GRID1: variants seen among roughly 807,000 people sequenced by gnomAD.
GRID1 encodes the protein glutamate receptor ionotropic, delta-1.
Under a neutral mutation model 98.0 loss-of-function variants are expected in GRID1, and 28 were observed. The ratio of observed to expected loss-of-function variants is 0.29; its 90% CI spans 0.21 to 0.39. GRID1 has a LOEUF of 0.39. Ranked by LOEUF, GRID1 falls within the 10% of genes least tolerant of loss-of-function variation. GRID1 has a pLI of 1.00. For missense variants in GRID1, 1,111 were observed against 1,340.5 expected, an observed-to-expected ratio of 0.83 and a Z score of 2.67; for synonymous variants, 553 against 538.5, an observed-to-expected ratio of 1.03 and a Z score of -0.37.
chr10:86,081,632 A>G (rs1300336067), intron 4 of GRID1, among the ~76,000 whole-genome samples: 1 of 152,254 alleles, frequency 6.6e-6, no homozygotes, highest in Non-Finnish European at 1.5e-5. Context: ...GTCCTTCAGT[A>G]AGTGAATGAA....
intron 8 of GRID1, among the ~76,000 whole-genome samples, chr10:85,804,126 C>A (rs927573745): frequency 4.0e-5 from 6 of 149,422 alleles, no homozygotes; most frequent in Admixed American, 1.3e-4. Context: ...ATTGATAAAA[C>A]CCTATTTAGA....
chr10:85,919,989 G>C (rs1208021001), intron 4 of GRID1, among the ~76,000 whole-genome samples: 1 of 152,026 alleles, frequency 6.6e-6, no homozygotes, highest in Non-Finnish European at 1.5e-5. Context: ...TGGCACTCAC[G>C]GTGCCTTGGA....
chr10:85,710,932 G>T (rs1192111237), intron 12 of GRID1, among the ~76,000 whole-genome samples: 2 of 151,872 alleles, frequency 1.3e-5, no homozygotes, highest in African/African-American at 2.4e-5. Context: ...CATTGAAATG[G>T]CTATTTAAAA....
At chr10:85,610,375 C>T (rs981398204) in intron 15 of GRID1, among the ~76,000 whole-genome samples, 4 of 152,200 alleles carry the variant, frequency 2.6e-5, no homozygotes, top group East Asian at 1.9e-4. Context: ...CCCAGCCTCC[C>T]CTGCCAGCAT....
At chr10:86,264,929 A>G (rs1847081250) in intron 2 of GRID1, 1 of 368,438 alleles carries the variant, frequency 2.7e-6, no homozygotes, top group Non-Finnish European at 5.4e-6. Context: ...CCCCCAGGAA[A>G]CTCTCTGAAC....
At chr10:86,308,033 C>G (rs937007574) in intron 2 of GRID1, among the ~76,000 whole-genome samples, 3 of 152,230 alleles carry the variant, frequency 2.0e-5, no homozygotes, top group Non-Finnish European at 2.9e-5. Context: ...AGGTTTATAC[C>G]CATTGAACAA....
intron 13 of GRID1, among the ~76,000 whole-genome samples, chr10:85,643,621 T>TA (rs935534498): frequency 2.0e-5 from 3 of 151,758 alleles, no homozygotes; most frequent in South Asian, 2.1e-4. Flanking sequence ...TTTCTTCCAC[T>TA]AAAAAAAATG....
At chr10:85,700,161 T>C (rs2132621214) in intron 12 of GRID1, among the ~76,000 whole-genome samples, 1 of 152,348 alleles carries the variant, frequency 6.6e-6, no homozygotes, top group East Asian at 1.9e-4. Flanking sequence ...AGCAGATGTA[T>C]GGCCCTTTCT....
intron 4 of GRID1, among the ~76,000 whole-genome samples, chr10:86,069,200 C>T (rs897149238): frequency 6.6e-6 from 1 of 152,106 alleles, no homozygotes; most frequent in Non-Finnish European, 1.5e-5. Flanking sequence ...GCCAGGTTTG[C>T]TGCAAACCTG....
intron 8 of GRID1, among the ~76,000 whole-genome samples, chr10:85,812,653 TTACC>T (rs1842681970): frequency 6.6e-6 from 1 of 151,794 alleles, no homozygotes; most frequent in Non-Finnish European, 1.5e-5. Context: ...CAGAAAATAA[TTACC>T]TGAGGACTCT....
intron 12 of GRID1, among the ~76,000 whole-genome samples, chr10:85,668,413 A>G (rs1181888557): frequency 6.6e-6 from 1 of 151,890 alleles, no homozygotes; most frequent in Non-Finnish European, 1.5e-5. Context: ...GAAGCAGGAA[A>G]ATGTGCCTAT....
At chr10:86,265,218 G>A (rs563035508) in intron 2 of GRID1, among the ~76,000 whole-genome samples, 37 of 150,900 alleles carry the variant, frequency 2.5e-4, no homozygotes, top group Non-Finnish European at 4.7e-4. Flanking sequence ...AATTATCCTC[G>A]TTCACCTCCC....
At chr10:85,705,960 C>T (rs1007662887) in intron 12 of GRID1, among the ~76,000 whole-genome samples, 1 of 152,136 alleles carries the variant, frequency 6.6e-6, no homozygotes. Context: ...TGGGACGTAT[C>T]TCAAAATAAT....
chr10:85,820,708 C>T (rs1282404410), intron 8 of GRID1, among the ~76,000 whole-genome samples: 1 of 151,942 alleles, frequency 6.6e-6, no homozygotes, highest in East Asian at 1.9e-4. Context: ...AACAAGATAC[C>T]ACTATTATAC....
intron 3 of GRID1, among the ~76,000 whole-genome samples, chr10:86,149,410 T>C (rs1360270443): frequency 6.6e-6 from 1 of 152,176 alleles, no homozygotes; most frequent in Non-Finnish European, 1.5e-5. Flanking sequence ...TCACATGGTG[T>C]GTTCACACAT....
intron 2 of GRID1, among the ~76,000 whole-genome samples, chr10:86,318,425 G>A (rs1018436535): frequency 1.3e-5 from 2 of 152,234 alleles, no homozygotes; most frequent in Non-Finnish European, 2.9e-5. Flanking sequence ...CTACTCCGAA[G>A]GTCCTGCCCT....
intron 4 of GRID1, among the ~76,000 whole-genome samples, chr10:85,997,470 A>G (rs1457686683): frequency 1.3e-5 from 2 of 152,188 alleles, no homozygotes; most frequent in East Asian, 3.8e-4. Flanking sequence ...TGGTGGCAAG[A>G]TTTCTACACT....
intron 4 of GRID1, among the ~76,000 whole-genome samples, chr10:85,963,657 A>C (rs1842300195): frequency 6.6e-6 from 1 of 152,142 alleles, no homozygotes; most frequent in African/African-American, 2.4e-5. Context: ...CTACTCCTTC[A>C]CCATGATTCT....
chr10:85,990,523 G>A (rs748936372), intron 4 of GRID1, among the ~76,000 whole-genome samples: 1 of 152,168 alleles, frequency 6.6e-6, no homozygotes, highest in Non-Finnish European at 1.5e-5. Flanking sequence ...CATGAGAGAC[G>A]ACAGCCTTTC....
Sources: gnomAD v4.1 joint callset for allele counts (sites outside exome capture counted in the v4.1 genomes callset) on GRCh38, gnomAD v4.1.1 for gene constraint, MANE v1.5 for transcripts, NCBI Gene and HGNC (gene_info 2026-07-23, HGNC 2026-07-21) for gene names.